The following TANC2 variants were observed in gnomAD, a reference collection of about 807,000 sequenced individuals.
TANC2 encodes tetratricopeptide repeat, ankyrin repeat and coiled-coil containing 2, also known as protein TANC2.
TANC2 carries 26 observed loss-of-function variants against 210.5 expected under a neutral mutation model. The observed-to-expected ratio is 0.12, with a 90% CI of 0.09 to 0.17. TANC2 has a LOEUF of 0.17. Ranked by LOEUF, TANC2 falls within the 10% of genes least tolerant of loss-of-function variation. The pLI is 1.00. For missense variants in TANC2, 2,129 were observed against 2,608.9 expected (o/e 0.82, Z 4.01); for synonymous variants, 931 against 967.1 (o/e 0.96, Z 0.69).
intron 2 of TANC2, among the ~76,000 whole-genome samples, chr17:63,042,832 T>C (rs1331394502): frequency 6.6e-6 from 1 of 152,050 alleles, no homozygotes; most frequent in African/African-American, 2.4e-5. Flanking sequence ...GGAGGTGGAA[T>C]TGAGAGCTAA....
intron 5 of TANC2, among the ~76,000 whole-genome samples, chr17:63,183,325 G>A (rs186510565): frequency 6.6e-6 from 1 of 152,176 alleles, no homozygotes; most frequent in Non-Finnish European, 1.5e-5. Context: ...AACATTGCCA[G>A]CATGGCAGCA....
intron 4 of TANC2, among the ~76,000 whole-genome samples, chr17:63,139,525 G>A (rs2039211209): frequency 1.3e-5 from 2 of 152,206 alleles, no homozygotes. Flanking sequence ...CTACTTGTTT[G>A]ATCCTGACAG....
chr17:63,305,781 A>G (rs1371144923), intron 9 of TANC2, among the ~76,000 whole-genome samples: 9 of 152,208 alleles, frequency 5.9e-5, no homozygotes, highest in South Asian at 2.1e-4. Flanking sequence ...TGACTGTAAT[A>G]TATGGACATG....
At chr17:63,196,439 C>CT (rs767837187) in intron 6 of TANC2, among the ~76,000 whole-genome samples, 6 of 152,280 alleles carry the variant, frequency 3.9e-5, no homozygotes, top group South Asian at 2.1e-4. Context: ...TTCAAGGACT[C>CT]TGTCATTTCT....
chr17:63,112,492 T>G (rs1448495196), intron 4 of TANC2, among the ~76,000 whole-genome samples: 1 of 152,208 alleles, frequency 6.6e-6, no homozygotes, highest in Non-Finnish European at 1.5e-5. Context: ...GTCTGTAATG[T>G]GGCAGGGTTA....
intron 21 of TANC2, 28 bp downstream of exon 21, chr17:63,406,305 G>A (rs1269267419): frequency 6.2e-7 from 1 of 1,608,116 alleles, no homozygotes; most frequent in Non-Finnish European, 8.5e-7. Context: ...AGAGCTGGCT[G>A]GCCAGTTTCC....
intron 1 of TANC2, among the ~76,000 whole-genome samples, chr17:62,996,843 C>T (rs935769108): frequency 2.4e-4 from 36 of 149,818 alleles, no homozygotes; most frequent in African/African-American, 7.7e-4. Flanking sequence ...GATGGAGTTC[C>T]GCTCTTGTTG....
intron 4 of TANC2, among the ~76,000 whole-genome samples, chr17:63,100,360 G>A (rs905548286): frequency 2.0e-5 from 3 of 151,892 alleles, no homozygotes; most frequent in Non-Finnish European, 2.9e-5. Context: ...TCTTTACATT[G>A]TGTATTATTG....
intron 7 of TANC2, among the ~76,000 whole-genome samples, chr17:63,209,801 C>T (rs1216969381): frequency 6.6e-6 from 1 of 152,170 alleles, no homozygotes; most frequent in African/African-American, 2.4e-5. Context: ...ACATCATTAT[C>T]AGGTTTTTAA....
intron 2 of TANC2, among the ~76,000 whole-genome samples, chr17:63,022,006 T>C (rs2034368405): frequency 6.6e-6 from 1 of 152,230 alleles, no homozygotes; most frequent in East Asian, 1.9e-4. Flanking sequence ...TTGGCTGCAA[T>C]GTGTCCATGC....
chr17:63,212,291 T>C (rs944992110), intron 7 of TANC2, among the ~76,000 whole-genome samples: 1 of 152,230 alleles, frequency 6.6e-6, no homozygotes, highest in African/African-American at 2.4e-5. Context: ...TCTTAAGTTC[T>C]CTATGATTAA....
At chr17:63,331,412 C>A (rs2045837160) in intron 11 of TANC2, among the ~76,000 whole-genome samples, 1 of 152,158 alleles carries the variant, frequency 6.6e-6, no homozygotes, top group Non-Finnish European at 1.5e-5. Flanking sequence ...ATAGCTTGAA[C>A]AAATCCCACC....
At chr17:63,159,992 C>T (rs775353766) in intron 5 of TANC2, among the ~76,000 whole-genome samples, 2 of 152,346 alleles carry the variant, frequency 1.3e-5, no homozygotes, top group Non-Finnish European at 2.9e-5. Flanking sequence ...TCCTGGCTTG[C>T]AGATAACTGC....
At chr17:63,284,400 G>T (rs1373676671) in intron 9 of TANC2, among the ~76,000 whole-genome samples, 1 of 151,756 alleles carries the variant, frequency 6.6e-6, no homozygotes, top group African/African-American at 2.4e-5. Context: ...AGGGTTTTTT[G>T]ATGTCTTTGT....
intron 14 of TANC2, among the ~76,000 whole-genome samples, chr17:63,377,554 G>T (rs998105014): frequency 1.3e-5 from 2 of 152,092 alleles, no homozygotes; most frequent in African/African-American, 4.8e-5. Context: ...CCTCATCCTG[G>T]ACTTCATTGT....
Position 63,238,506 on chromosome 17 carries a change from T to C in TANC2, c.1033+429T>C, listed in dbSNP as rs922647941. Among the ~76,000 whole-genome samples the C allele has an allele frequency of 3.9e-5, 6 of 152,314 alleles. No homozygotes were observed. In the Middle Eastern group the frequency reaches 0.01, roughly 259 times the overall value. On this transcript the variant is annotated intron_variant, in intron 8 of 27. Coordinates refer to ENST00000689528, the Ensembl canonical transcript of TANC2. ...TTATCAGAAATCATCATCCATAGTT[T>C]GTAAAAGTGGAAGGCAGACAAGAAT...
rs1246921040 is a variant in TANC2, at chr17:63,355,408, G to A, written c.2582+18G>A. On this transcript the variant is annotated intron_variant, in intron 14 of 27. Coordinates refer to ENST00000689528, the Ensembl canonical transcript of TANC2. ...GATCCGAGGTAAGACATATATCTGT[G>A]ATAAACAATTCTGAGTCTGTTTTCT... The A allele has an allele frequency of 2.6e-6, 4 of 1,530,868 alleles. 1 individual carries two copies. In the South Asian group the frequency reaches 5.2e-5, roughly 20 times the overall value. The allele number at this position is 1,530,868 out of a possible 1,614,324, so 94.8% of individuals were successfully genotyped here.
intron 4 of TANC2, among the ~76,000 whole-genome samples, chr17:63,138,461 A>G (rs929164726): frequency 6.6e-6 from 1 of 152,160 alleles, no homozygotes; most frequent in Non-Finnish European, 1.5e-5. Context: ...GTTCATTAAG[A>G]TGAAAACATT....
chr17:63,105,182 G>C (rs2037778764), intron 4 of TANC2, among the ~76,000 whole-genome samples: 2 of 151,574 alleles, frequency 1.3e-5, no homozygotes, highest in Admixed American at 1.3e-4. Flanking sequence ...ACATCAAATA[G>C]ATTATTATCT....
Sources: allele counts gnomAD v4.1 joint callset (sites outside exome capture counted in the v4.1 genomes callset), GRCh38; gene constraint gnomAD v4.1.1; transcripts MANE v1.5; gene names NCBI Gene and HGNC (gene_info 2026-07-23, HGNC 2026-07-21).